The following FMNL3 variants were observed in gnomAD, a reference collection of about 807,000 sequenced individuals.
FMNL3 encodes the protein formin-like protein 3.
Under a neutral mutation model 119.6 loss-of-function variants are expected in FMNL3, and 57 were observed. The observed-to-expected ratio is 0.48, with a 90% CI of 0.39 to 0.59. FMNL3 has a LOEUF of 0.59. Ranked by LOEUF, FMNL3 falls within the 20% of genes least tolerant of loss-of-function variation. The pLI is 0.00. For synonymous variants in FMNL3, 491 were observed against 507.3 expected (o/e 0.97, Z 0.43); for missense variants, 1,053 against 1,323.5 (o/e 0.80, Z 3.17).
chr12:49,691,251 G>A (rs763739890), intron 1 of FMNL3, among the ~76,000 whole-genome samples: 1 of 152,006 alleles, frequency 6.6e-6, no homozygotes, highest in Non-Finnish European at 1.5e-5. Context: ...ATGGTGCCTG[G>A]TATACCATTA....
At chr12:49,705,103 T>C (rs1040671286) in intron 1 of FMNL3, among the ~76,000 whole-genome samples, 7 of 152,164 alleles carry the variant, frequency 4.6e-5, no homozygotes, top group African/African-American at 1.7e-4. Flanking sequence ...TTCCCTGTAT[T>C]GGAAAACTGA....
rs1592640874 is a variant in FMNL3, at chr12:49,649,628, T to G, written c.2235+63A>C. ...AGAAGGACTGGAAGGGCAGGGGAGG[T>G]GACTAGCAGATGGAGGGTGGAGGGA... On this transcript the variant is annotated intron_variant, in intron 18 of 25. Coordinates refer to ENST00000335154, the MANE Select transcript of FMNL3 (RefSeq NM_175736.5). This position sits in a 1 kb window ranked among gnomAD's most constrained non-coding sequence, Gnocchi z 5.6. 2 of 1,609,776 alleles carry G rather than the reference T, an allele frequency of 1.2e-6. No individual in the cohort carries two copies. The highest frequency in any genetic ancestry group is 1.1e-5 in the South Asian group (1 of 90,864).
intron 1 of FMNL3, among the ~76,000 whole-genome samples, chr12:49,692,034 CAAAAAAA>C (rs773991970): frequency 1.6e-3 from 38 of 23,134 alleles, no homozygotes; most frequent in African/African-American, 3.9e-3. Flanking sequence ...GACTCCATCT[CAAAAAAA>C]AAAAAAAAAA....
chr12:49,648,431 T>TGCCCC, intron 21 of FMNL3, 78 bp from the exon 22 acceptor site: 1 of 1,477,332 alleles, frequency 6.8e-7, no homozygotes, highest in Admixed American at 2.2e-5. Flanking sequence ...TATCAAACTC[T>TGCCCC]GGCCCTCCCC....
intron 5 of FMNL3, among the ~76,000 whole-genome samples, chr12:49,659,181 C>G (rs567009067): frequency 6.6e-6 from 1 of 152,206 alleles, no homozygotes; most frequent in Non-Finnish European, 1.5e-5. Flanking sequence ...AGGAGCACCA[C>G]TGCCCCATCT....
intron 1 of FMNL3, among the ~76,000 whole-genome samples, chr12:49,672,961 G>A (rs368888073): frequency 2.0e-4 from 31 of 152,356 alleles, no homozygotes; most frequent in African/African-American, 5.0e-4. Context: ...GGAGAGAGAC[G>A]TTTGTAATGT....
chr12:49,648,690 A>AT (rs1420840437), intron 21 of FMNL3, among the ~76,000 whole-genome samples: 1 of 152,152 alleles, frequency 6.6e-6, no homozygotes, highest in Non-Finnish European at 1.5e-5. Context: ...GAGCTTTATG[A>AT]TTTTTTTCTA....
Position 49,647,481 on chromosome 12 carries a change from C to T in FMNL3, c.2779-113G>A, listed in dbSNP as rs1331167256. ...GTGGGACCCGCTAACTCCAGGTGGC[C>T]ACCCTCTGGAGGGGCACTTCCTGCC... On this transcript the variant is annotated intron_variant, in intron 23 of 25. Coordinates refer to ENST00000335154, the MANE Select transcript of FMNL3 (RefSeq NM_175736.5). The surrounding 1 kb of genome is among the most constrained non-coding windows in gnomAD (Gnocchi z 4.9). 1.6e-6 allele frequency: 2 copies of T among 1,234,642 alleles called. No homozygotes were observed. Among genetic ancestry groups the T allele is most frequent in the Admixed American group, 1.7e-5 (1 of 57,520 alleles). The allele number at this position is 1,234,642 out of a possible 1,614,324, so 76.5% of individuals were successfully genotyped here.
rs554419791 is a variant in FMNL3 at position 49,654,400 on chromosome 12, G to A, written c.961-98C>T. 8.5e-5 allele frequency: 76 copies of A among 895,700 alleles called. No homozygotes were observed. The African/African-American group carries it at 1.2e-3, about 14-fold the overall frequency. 55.5% of individuals were successfully genotyped at this position (895,700 alleles called of 1,614,324 possible). A position where few individuals can be genotyped will look rare whatever the true frequency, so the allele number is the denominator to read the frequency against. On this transcript the variant is annotated intron_variant, in intron 10 of 25. Transcript: ENST00000335154. ...GGCTGTTAGAATATCATCATCATGTGGATAATTACAGGGAGTCAATTAAAG... is the reference window on the plus strand; with the variant it reads ...GGCTGTTAGAATATCATCATCATGTAGATAATTACAGGGAGTCAATTAAAG...
intron 1 of FMNL3, among the ~76,000 whole-genome samples, chr12:49,694,525 G>A (rs1439896610): frequency 1.3e-5 from 2 of 152,264 alleles, no homozygotes; most frequent in African/African-American, 4.8e-5. Context: ...CCTGTAAAAT[G>A]CCTTCCAAAA....
chr12:49,645,804 C>T lies in FMNL3; in HGVS notation c.*11G>A. 6.3e-7 allele frequency: 1 copy of T among 1,596,204 alleles called. No homozygotes were observed. Among genetic ancestry groups the T allele is most frequent in the South Asian group, 1.1e-5 (1 of 89,824 alleles). ...TCTGAGGGGTGAAGTGCTTCTGCCT[C>T]CGAGAGGGTCTCAGTGGGGGCCTGG... On this transcript the variant is annotated 3_prime_UTR_variant, in exon 26 of 26. Coordinates refer to ENST00000335154, the MANE Select transcript of FMNL3 (RefSeq NM_175736.5).
At chr12:49,652,598 G>C (rs1479021459) in intron 13 of FMNL3, among the ~76,000 whole-genome samples, 1 of 152,088 alleles carries the variant, frequency 6.6e-6, no homozygotes, top group East Asian at 1.9e-4. Flanking sequence ...CTTGTATAAT[G>C]GCTCAATTGG....
At position 49,641,882 on chromosome 12, in the gene FMNL3, T is replaced by A; in HGVS notation, c.*3933A>T. 1 of 1,604,942 alleles carries A rather than the reference T, an allele frequency of 6.2e-7. No homozygotes were observed. Among genetic ancestry groups the A allele is most frequent in the South Asian group, 1.1e-5 (1 of 90,886 alleles). ...TTTGGCCTCAGGCACGTGGTGCCCC[T>A]GCTTCATGCACTGCTGTACCCACAG... On this transcript the variant is annotated 3_prime_UTR_variant, in exon 26 of 26. Transcript: ENST00000335154.
intron 1 of FMNL3, among the ~76,000 whole-genome samples, chr12:49,684,414 C>T (rs1254469670): frequency 1.3e-5 from 2 of 152,172 alleles, no homozygotes; most frequent in African/African-American, 4.8e-5. Flanking sequence ...ACTGTTATGA[C>T]ACCAACTTGA....
intron 25 of FMNL3, among the ~76,000 whole-genome samples, chr12:49,646,402 T>C (rs912550389): frequency 2.6e-5 from 4 of 152,136 alleles, no homozygotes; most frequent in African/African-American, 9.7e-5. Flanking sequence ...CCCTACCCAC[T>C]TGGTCTTAGT....
At position 49,647,388 on chromosome 12, in the gene FMNL3, G is replaced by A. The variant is rs751443908; in HGVS notation, c.2779-20C>T. ...TGCTTCCTAAGAGCCATGGAAGATG[G>A]GGGGTGGGGAGTGAGGCTCATAGGC... On this transcript the variant is annotated intron_variant, in intron 23 of 25. Transcript: ENST00000335154. This position sits in a 1 kb window ranked among gnomAD's most constrained non-coding sequence, Gnocchi z 4.9. 5.6e-6 allele frequency: 9 copies of A among 1,608,492 alleles called. No individual in the cohort carries two copies. Among genetic ancestry groups the A allele is most frequent in the Middle Eastern group, 1.6e-4 (1 of 6,080 alleles).
chr12:49,684,928 A>C (rs1003035290), intron 1 of FMNL3, among the ~76,000 whole-genome samples: 1 of 152,216 alleles, frequency 6.6e-6, no homozygotes, highest in Non-Finnish European at 1.5e-5. Context: ...AAGGGGCCCA[A>C]GCATACTCTG....
chr12:49,639,176 T>C lies in FMNL3; in HGVS notation c.*6639A>G, dbSNP rs1942262663. Reference sequence around the variant, plus strand: ...CGGGGAATGATCAGATTAGATGGTGTATAGTAGAACCTTTCAGTCTAGAGT... The same window carrying C: ...CGGGGAATGATCAGATTAGATGGTGCATAGTAGAACCTTTCAGTCTAGAGT... On this transcript the variant is annotated 3_prime_UTR_variant, in exon 26 of 26. Coordinates refer to ENST00000335154, the MANE Select transcript of FMNL3 (RefSeq NM_175736.5). 1 of 152,186 alleles carries C rather than the reference T, an allele frequency of 6.6e-6. No homozygotes were observed. Among genetic ancestry groups the C allele is most frequent in the Non-Finnish European group, 1.5e-5 (1 of 68,032 alleles). The allele number at this position is 152,186 out of a possible 1,614,324, so 9.4% of individuals were successfully genotyped here.
Position 49,645,861 on chromosome 12 carries a change from C to G in FMNL3, c.3038G>C (p.Ser1013Thr). 1 of 1,611,274 alleles carries G rather than the reference C, an allele frequency of 6.2e-7. No individual in the cohort carries two copies. The part of the protein sequence containing the change: ...QPMVVRHQAR[S>T]AAPPSGPPRA... ...AGGGGGACCACTGGGCGGTGCAGCA[C>G]TCCTGGCTTGGTGGCGAACAACCAT... Residue 1013 changes from serine (S) to threonine (T), a missense_variant, in exon 26 of 26, where the codon AGT becomes ACT. Physicochemically the swap from Ser to Thr is moderately conservative, Grantham distance 58. Around this residue, in one of 4 missense-constraint regions of FMNL3, gnomAD observed 324 missense variants for 380.9 expected, o/e 0.85. Transcript: ENST00000335154.
Sources: gnomAD v4.1 joint callset for allele counts (sites outside exome capture counted in the v4.1 genomes callset) on GRCh38, gnomAD v4.1.1 for gene constraint, gnomAD v4.1.1 regional missense constraint, Gnocchi (gnomAD v3.1) non-coding constraint, MANE v1.5 for transcripts, NCBI Gene and HGNC (gene_info 2026-07-23, HGNC 2026-07-21) for gene names.